Variants in PRKN observed in about 807,000 individuals in gnomAD.
PRKN encodes the protein parkin RBR E3 ubiquitin protein ligase, also known as E3 ubiquitin-protein ligase parkin.
In PRKN, 56 loss-of-function variants were observed where a neutral mutation model predicts 59.5. The observed-to-expected ratio is 0.94, with a 90% confidence interval of 0.76 to 1.18. PRKN has a LOEUF of 1.18. Among genes scored for constraint, PRKN ranks in the 50% most tolerant of loss-of-function variants. The pLI, the probability that PRKN is intolerant of heterozygous loss-of-function variation, is 0.00. For missense variants in PRKN, 657 were observed against 596.4 expected (o/e 1.10, Z -1.06); for synonymous variants, 250 against 222.1 (o/e 1.13, Z -1.12).
intron 1 of PRKN, among the ~76,000 whole-genome samples, chr6:162,605,349 C>T (rs1053688475): frequency 4.6e-5 from 7 of 152,220 alleles, no homozygotes; most frequent in Admixed American, 1.3e-4. Flanking sequence ...AAATTACCGA[C>T]AATGTTACTT....
intron 2 of PRKN, among the ~76,000 whole-genome samples, chr6:162,300,276 A>C (rs74889552): frequency 1.3e-5 from 2 of 151,366 alleles, no homozygotes; most frequent in African/African-American, 4.9e-5. Flanking sequence ...AAAAAAAAAA[A>C]CACATTCTAT....
intron 5 of PRKN, among the ~76,000 whole-genome samples, chr6:162,011,225 T>TTATG (rs1401785228): frequency 1.7e-4 from 13 of 77,024 alleles, no homozygotes; most frequent in Non-Finnish European, 2.3e-4. Context: ...AGTATATATT[T>TTATG]ATAATATATA....
intron 2 of PRKN, among the ~76,000 whole-genome samples, chr6:162,292,560 C>A (rs1781486429): frequency 6.6e-6 from 1 of 152,014 alleles, no homozygotes; most frequent in African/African-American, 2.4e-5. Context: ...CACAATGGTC[C>A]AGGATTGAAT....
At chr6:161,819,617 A>C (rs548483724) in intron 6 of PRKN, among the ~76,000 whole-genome samples, 17 of 152,318 alleles carry the variant, frequency 1.1e-4, no homozygotes, top group African/African-American at 4.1e-4. Context: ...AATTAAATAA[A>C]TTTTATAAAA....
chr6:161,688,230 G>A (rs765350194), intron 7 of PRKN, among the ~76,000 whole-genome samples: 8 of 152,186 alleles, frequency 5.3e-5, no homozygotes, highest in Non-Finnish European at 8.8e-5. Flanking sequence ...TTAGTGAATG[G>A]CTAGGTCATT....
At chr6:161,398,051 G>A (rs1786849479) in intron 9 of PRKN, among the ~76,000 whole-genome samples, 2 of 152,150 alleles carry the variant, frequency 1.3e-5, no homozygotes, top group South Asian at 2.1e-4. Context: ...AGAGAAAGTC[G>A]AGGCTAGGGA....
At chr6:162,594,212 T>C (rs529345128) in intron 1 of PRKN, among the ~76,000 whole-genome samples, 131 of 152,266 alleles carry the variant, frequency 8.6e-4, no homozygotes, top group African/African-American at 3.1e-3. Flanking sequence ...GCTCAAATTC[T>C]TCATGAAACA....
In PRKN at chr6:161,544,505, TATTC is replaced by T. The variant is rs60414258; in HGVS notation, c.1083+4345_1083+4348del. On this transcript the variant is annotated intron_variant, in intron 9 of 11. Coordinates refer to ENST00000366898, the MANE Select transcript of PRKN (RefSeq NM_004562.3). This position sits in a 1 kb window ranked among gnomAD's most constrained non-coding sequence, Gnocchi z 5.5. ...TTAAGATTCACTCAACCATTTATTTTATTCATTCATTCATTCATTCATTCATTCA... is the reference window on the plus strand; with the variant it reads ...TTAAGATTCACTCAACCATTTATTTTATTCATTCATTCATTCATTCATTCA... 0.25 allele frequency among the ~76,000 whole-genome samples: 31,184 copies of T among 122,620 alleles called. 3,507 individuals carry two copies. Among genetic ancestry groups the T allele is most frequent in the African/African-American group, 0.33 (12,388 of 37,956 alleles). 80.4% of individuals were successfully genotyped at this position (122,620 alleles called of 152,430 possible).
rs539833949 is a variant in PRKN, at chr6:161,527,319, T to A, written c.1083+21535A>T. Among the ~76,000 whole-genome samples, 32 of 152,264 alleles carry A rather than the reference T, an allele frequency of 2.1e-4. No individual in the cohort carries two copies. The highest frequency in any genetic ancestry group is 7.7e-4 in the African/African-American group (32 of 41,550). ...TACCATCATATTTTGGGGTGAAGTG[T>A]CTTGAGCCCCAACGGCATCAAGTAT... is the stretch of plus-strand genomic sequence containing the variant. On this transcript the variant is annotated intron_variant, in intron 9 of 11. Coordinates refer to ENST00000366898, the MANE Select transcript of PRKN (RefSeq NM_004562.3). The surrounding 1 kb of genome is among the most constrained non-coding windows in gnomAD (Gnocchi z 4.6).
chr6:161,834,623 A>C (rs895719418), intron 6 of PRKN, among the ~76,000 whole-genome samples: 1 of 152,242 alleles, frequency 6.6e-6, no homozygotes, highest in Non-Finnish European at 1.5e-5. Context: ...TCAGATTGTT[A>C]CATTGTAGAC....
At chr6:162,450,777 T>C (rs1790589184) in intron 1 of PRKN, among the ~76,000 whole-genome samples, 2 of 151,854 alleles carry the variant, frequency 1.3e-5, no homozygotes, top group African/African-American at 4.8e-5. Flanking sequence ...AGGAGATGAG[T>C]AAATGCAATG....
At chr6:162,204,191 A>C (rs916494064) in intron 3 of PRKN, among the ~76,000 whole-genome samples, 1 of 152,180 alleles carries the variant, frequency 6.6e-6, no homozygotes, top group Non-Finnish European at 1.5e-5. Context: ...TAGACTAATC[A>C]GGTATATTTT....
chr6:162,038,951 G>A (rs1466079586), intron 5 of PRKN, among the ~76,000 whole-genome samples: 2 of 152,018 alleles, frequency 1.3e-5, no homozygotes, highest in African/African-American at 2.4e-5. Flanking sequence ...TCAGGAGATC[G>A]AGACCATCCT....
intron 1 of PRKN, among the ~76,000 whole-genome samples, chr6:162,652,324 T>C (rs938973115): frequency 1.3e-5 from 2 of 152,226 alleles, no homozygotes; most frequent in Non-Finnish European, 2.9e-5. Flanking sequence ...CAGCTCATTA[T>C]GTACATACTT....
At chr6:162,542,129 A>T (rs1405409980) in intron 1 of PRKN, among the ~76,000 whole-genome samples, 1 of 152,160 alleles carries the variant, frequency 6.6e-6, no homozygotes, top group Non-Finnish European at 1.5e-5. Flanking sequence ...ACAGGTGCAA[A>T]GAAGTAGTCC....
chr6:161,629,729 T>C (rs1055613299), intron 7 of PRKN, among the ~76,000 whole-genome samples: 7 of 151,736 alleles, frequency 4.6e-5, no homozygotes, highest in Admixed American at 4.6e-4. Context: ...ACCTAGCAAA[T>C]GCCAATTTGA....
At chr6:161,375,719 C>G (rs1785667715) in intron 10 of PRKN, among the ~76,000 whole-genome samples, 3 of 152,304 alleles carry the variant, frequency 2.0e-5, no homozygotes, top group Middle Eastern at 6.8e-3. Flanking sequence ...TGCCCCAGAG[C>G]AAACCTTCGC....
chr6:162,112,938 C>T (rs927867654), intron 4 of PRKN, among the ~76,000 whole-genome samples: 2 of 152,102 alleles, frequency 1.3e-5, no homozygotes, highest in Non-Finnish European at 2.9e-5. Context: ...AAAGAAAACA[C>T]ACCATGACGT....
intron 9 of PRKN, among the ~76,000 whole-genome samples, chr6:161,528,693 T>C (rs1779098086): frequency 6.6e-6 from 1 of 152,216 alleles, no homozygotes; most frequent in Non-Finnish European, 1.5e-5. Flanking sequence ...GATTGAGACT[T>C]CTGCAGTAAA....
Sources: gnomAD v4.1 joint callset for allele counts (sites outside exome capture counted in the v4.1 genomes callset) on GRCh38, gnomAD v4.1.1 for gene constraint, Gnocchi (gnomAD v3.1) non-coding constraint, MANE v1.5 for transcripts, NCBI Gene and HGNC (gene_info 2026-07-23, HGNC 2026-07-21) for gene names.